The following FOCAD variants were observed in gnomAD, a reference collection of about 807,000 sequenced individuals.
FOCAD encodes the protein KIAA1797.
Under a neutral mutation model 225.6 loss-of-function variants are expected in FOCAD, and 198 were observed. The ratio of observed to expected loss-of-function variants is 0.88; its 90% CI spans 0.78 to 0.99. The LOEUF (loss-of-function observed/expected upper bound fraction) is 0.99, where lower values mean the gene tolerates loss of function less well. Among genes scored for constraint, FOCAD ranks in the 50% least tolerant of loss-of-function variants. FOCAD has a pLI of 0.00. For missense variants in FOCAD, 2,713 were observed against 2,123.6 expected (o/e 1.28, Z -5.46); for synonymous variants, 897 against 755.0 (o/e 1.19, Z -3.08).
intron 2 of FOCAD, among the ~76,000 whole-genome samples, chr9:20,659,424 GAGAA>G (rs775515495): frequency 1.0e-4 from 14 of 140,464 alleles, no homozygotes; most frequent in South Asian, 2.4e-4. Context: ...AGAAAGAAAG[GAGAA>G]AGAAAGAAAG....
chr9:20,732,204 G>A (rs963478156), intron 4 of FOCAD, among the ~76,000 whole-genome samples: 2 of 152,166 alleles, frequency 1.3e-5, no homozygotes, highest in Non-Finnish European at 2.9e-5. Flanking sequence ...TGGTTTCAAT[G>A]GAGAGATTGC....
intron 35 of FOCAD, among the ~76,000 whole-genome samples, chr9:20,963,323 A>G (rs990382600): frequency 4.6e-5 from 7 of 152,210 alleles, no homozygotes; most frequent in Non-Finnish European, 8.8e-5. Context: ...AAAGTGCAGT[A>G]CTGGTGAAAG....
At chr9:20,982,534 T>G (rs1475034486) in intron 39 of FOCAD, 88 bp downstream of exon 39, 1 of 1,035,104 alleles carries the variant, frequency 9.7e-7, no homozygotes, top group Non-Finnish European at 1.5e-6. Flanking sequence ...CTGAAGCAAG[T>G]TTTGCTTCAT....
intron 2 of FOCAD, among the ~76,000 whole-genome samples, chr9:20,669,813 A>G (rs1822004910): frequency 6.6e-6 from 1 of 152,092 alleles, no homozygotes; most frequent in Non-Finnish European, 1.5e-5. Context: ...CAGGGCGCCC[A>G]TGTAAGCATT....
At chr9:20,716,441 AT>A (rs1825343605) in intron 2 of FOCAD, among the ~76,000 whole-genome samples, 1 of 152,100 alleles carries the variant, frequency 6.6e-6, no homozygotes, top group Admixed American at 6.5e-5. Flanking sequence ...TGGGTTTTGT[AT>A]TTTAAAAAAT....
chr9:20,917,088 T>G (rs1238275273), intron 24 of FOCAD, 151 bp downstream of exon 24: 3 of 607,452 alleles, frequency 4.9e-6, no homozygotes, highest in Admixed American at 3.4e-5. Flanking sequence ...GTTACCCTTC[T>G]TATAGTAGGT....
intron 10 of FOCAD, among the ~76,000 whole-genome samples, chr9:20,787,248 C>T (rs947647248): frequency 6.6e-6 from 1 of 152,118 alleles, no homozygotes; most frequent in Non-Finnish European, 1.5e-5. Context: ...AAATTATATT[C>T]ATTTACATAA....
Position 20,678,244 on chromosome 9 carries a change from C to G in FOCAD, c.-77-16276C>G, listed in dbSNP as rs530513105. Among the ~76,000 whole-genome samples the G allele has an allele frequency of 5.3e-5, 8 of 152,228 alleles. No homozygotes were observed. In the South Asian group the frequency reaches 1.7e-3, roughly 32 times the overall value. ...AATGTATGTCAATATTAGTAAGGATCTGATATTGTCTTGTTATTAAGAAAA... is the reference window on the plus strand; with the variant it reads ...AATGTATGTCAATATTAGTAAGGATGTGATATTGTCTTGTTATTAAGAAAA... On this transcript the variant is annotated intron_variant, in intron 2 of 45. Transcript: ENST00000380249.
At chr9:20,663,603 A>T (rs1006201366) in intron 2 of FOCAD, among the ~76,000 whole-genome samples, 2 of 152,140 alleles carry the variant, frequency 1.3e-5, no homozygotes, top group African/African-American at 2.4e-5. Flanking sequence ...CATCAAAAAC[A>T]ATTCTAAGAC....
intron 10 of FOCAD, among the ~76,000 whole-genome samples, chr9:20,782,153 G>C (rs573804682): frequency 6.6e-6 from 1 of 152,126 alleles, no homozygotes; most frequent in African/African-American, 2.4e-5. Flanking sequence ...TTTTTTCTCT[G>C]AAAATCCAGT....
intron 26 of FOCAD, among the ~76,000 whole-genome samples, chr9:20,928,170 C>T (rs1229444133): frequency 6.6e-6 from 1 of 152,118 alleles, no homozygotes; most frequent in African/African-American, 2.4e-5. Flanking sequence ...TCATATGCTG[C>T]TTAGTTCTTG....
Position 20,948,289 on chromosome 9 carries a change from G to C in FOCAD, c.3694G>C (p.Ala1232Pro). 6.2e-7 allele frequency: 1 copy of C among 1,609,290 alleles called. No homozygotes were observed. The highest frequency in any genetic ancestry group is 1.1e-5 in the South Asian group (1 of 90,488). ...NSQQTSGFAL[A>P]LGNIVHGLSV... The stretch of plus-strand genomic sequence containing the variant: ...ATATCAGACTTCAGGTTTTGCCCTG[G>C]CTTTAGGAAACATAGTTCATGGATT... Residue 1232 changes from alanine (A) to proline (P), a missense_variant, in exon 31 of 44, where the codon GCT (alanine) becomes CCT (proline). Physicochemically the swap from Ala to Pro is conservative, Grantham distance 27. Transcript: ENST00000338382.
chr9:20,820,079 G>A (rs1478964797), intron 12 of FOCAD, among the ~76,000 whole-genome samples, 179 bp downstream of exon 12: 1 of 151,956 alleles, frequency 6.6e-6, no homozygotes, highest in Non-Finnish European at 1.5e-5. Flanking sequence ...ATAATTAATT[G>A]TTTTAAATTA....
chr9:20,900,376 A>C (rs1429240601), intron 21 of FOCAD, among the ~76,000 whole-genome samples: 2 of 151,858 alleles, frequency 1.3e-5, no homozygotes, highest in Non-Finnish European at 2.9e-5. Flanking sequence ...GCTCTGTTCT[A>C]AATAAAATCT....
Position 20,948,388 on chromosome 9 carries a change from AC to A in FOCAD, c.3794del (p.Thr1265LysfsTer20), listed in dbSNP as rs764356674. 6.2e-7 allele frequency: 1 copy of A among 1,611,210 alleles called. No individual in the cohort carries two copies. Among genetic ancestry groups the A allele is most frequent in the Non-Finnish European group, 8.5e-7 (1 of 1,178,258 alleles). On this transcript the variant is annotated frameshift_variant, in exon 31 of 44. Coordinates refer to ENST00000338382, the MANE Select transcript of FOCAD (RefSeq NM_001375567.1). LOFTEE classifies it high-confidence loss of function. ...LLPAWIRIVL[T>X]EGTPTMLCLA... ...CCCTGCCTGGATCAGAATTGTTCTAACAGAGGTAGAGGTCACCTGTTGTATG... is the reference window on the plus strand; with the variant it reads ...CCCTGCCTGGATCAGAATTGTTCTAAAGAGGTAGAGGTCACCTGTTGTATG...
intron 2 of FOCAD, among the ~76,000 whole-genome samples, chr9:20,676,793 A>T (rs1378295969): frequency 6.6e-6 from 1 of 152,206 alleles, no homozygotes; most frequent in South Asian, 2.1e-4. Flanking sequence ...TTGGAAGAAT[A>T]CCATTACAAT....
At chr9:20,813,486 G>T (rs1481487393) in intron 11 of FOCAD, among the ~76,000 whole-genome samples, 2 of 152,086 alleles carry the variant, frequency 1.3e-5, no homozygotes, top group Non-Finnish European at 2.9e-5. Flanking sequence ...GTGCACAGAT[G>T]TTCTAATTTC....
At chr9:20,938,816 A>C (rs1836306890) in intron 28 of FOCAD, among the ~76,000 whole-genome samples, 1 of 152,094 alleles carries the variant, frequency 6.6e-6, no homozygotes, top group Non-Finnish European at 1.5e-5. Flanking sequence ...CATGAACTTT[A>C]GTCTACCATA....
At chr9:20,851,976 T>C (rs949712354) in intron 15 of FOCAD, among the ~76,000 whole-genome samples, 3 of 151,840 alleles carry the variant, frequency 2.0e-5, no homozygotes, top group Non-Finnish European at 4.4e-5. Context: ...ACCTAAAATA[T>C]TAATTCTCTG....
Sources: gnomAD v4.1 joint callset for allele counts (sites outside exome capture counted in the v4.1 genomes callset) on GRCh38, gnomAD v4.1.1 for gene constraint, MANE v1.5 for transcripts, NCBI Gene and HGNC (gene_info 2026-07-23, HGNC 2026-07-21) for gene names.